The following CNGB3 variants were observed in gnomAD, a reference collection of about 807,000 sequenced individuals.
CNGB3 encodes cyclic nucleotide-gated channel beta-3.
Under a neutral mutation model 92.8 loss-of-function variants are expected in CNGB3, and 86 were observed. The ratio of observed to expected loss-of-function variants is 0.93; its 90% CI spans 0.78 to 1.11. The LOEUF is 1.11. Ranked by LOEUF, CNGB3 falls within the 50% of genes least tolerant of loss-of-function variation. The pLI is 0.00. For missense variants in CNGB3, 1,026 were observed against 956.8 expected (o/e 1.07, Z -0.95); for synonymous variants, 333 against 332.7 (o/e 1.00, Z -0.01).
intron 6 of CNGB3, among the ~76,000 whole-genome samples, chr8:86,656,182 A>G (rs1175388902): frequency 6.6e-6 from 1 of 152,236 alleles, no homozygotes; most frequent in Non-Finnish European, 1.5e-5. Context: ...TACGGCTTCA[A>G]ATAAATAGTG....
intron 1 of CNGB3, 73 bp downstream of exon 1, chr8:86,743,426 G>A (rs1825374970): frequency 6.5e-7 from 1 of 1,545,544 alleles, no homozygotes; most frequent in Non-Finnish European, 8.9e-7. Context: ...ATATATCGTA[G>A]CAGTGATTAA....
At chr8:86,598,040 C>T (rs984482527) in intron 15 of CNGB3, among the ~76,000 whole-genome samples, 25 of 152,120 alleles carry the variant, frequency 1.6e-4, no homozygotes, top group East Asian at 9.7e-4. Flanking sequence ...GAGAGCAAGG[C>T]GAGTCAGGTG....
rs527693877 is a variant in CNGB3, at chr8:86,611,534, G to A, written c.1662+54C>T. The A allele has an allele frequency of 1.7e-4, 245 of 1,415,306 alleles. 1 individual carries two copies. The East Asian group carries it at 3.2e-3, about 19-fold the overall frequency. 87.7% of individuals were successfully genotyped at this position (1,415,306 alleles called of 1,614,324 possible). ...TAAACAATGTTCTTGACTTATGTCC[G>A]AAATCCTCAAATGCATTTATTAGTT... is the stretch of plus-strand genomic sequence containing the variant. On this transcript the variant is annotated intron_variant, in intron 14 of 17. Transcript: ENST00000320005.
chr8:86,623,389 G>T (rs546964159), intron 13 of CNGB3, among the ~76,000 whole-genome samples: 1 of 152,168 alleles, frequency 6.6e-6, no homozygotes, highest in African/African-American at 2.4e-5. Context: ...TGAAGACCGA[G>T]AAGTCCAAGA....
At chr8:86,664,052 C>G (rs189487744) in intron 6 of CNGB3, among the ~76,000 whole-genome samples, 72 of 152,230 alleles carry the variant, frequency 4.7e-4, no homozygotes, top group African/African-American at 1.4e-3. Context: ...TTGTTTACTT[C>G]TTATTTGTAC....
At position 86,667,015 on chromosome 8, in the gene CNGB3, A is replaced by G; in HGVS notation, c.762T>C (p.Leu254=). ...TGATATCACATATGATGTCCGCAAT[A>G]AGCCAGTAGTGTATGTTGTCTGCGG... The part of the protein sequence containing the change: ...YQTADNIHYW[L]IADIICDIIY... The change falls in exon 6 of 18, where the codon CTT becomes CTC. Residue 254 remains leucine (L), a synonymous_variant. Transcript: ENST00000320005. 3 of 1,614,028 alleles carry G rather than the reference A, an allele frequency of 1.9e-6. No individual in the cohort carries two copies. Among genetic ancestry groups the G allele is most frequent in the South Asian group, 1.1e-5 (1 of 91,080 alleles).
intron 13 of CNGB3, among the ~76,000 whole-genome samples, 159 bp from the exon 14 acceptor site, chr8:86,611,830 G>T (rs1822528589): frequency 6.6e-6 from 1 of 151,526 alleles, no homozygotes; most frequent in Non-Finnish European, 1.5e-5. Context: ...TCAAAATTTA[G>T]AAAAAAAATA....
At chr8:86,663,473 T>C (rs941437492) in intron 6 of CNGB3, among the ~76,000 whole-genome samples, 3 of 152,256 alleles carry the variant, frequency 2.0e-5, no homozygotes, top group Non-Finnish European at 2.9e-5. Context: ...GTTTCTATTG[T>C]AGCTGTTAGC....
intron 3 of CNGB3, among the ~76,000 whole-genome samples, chr8:86,686,832 C>T (rs1824197289): frequency 6.6e-6 from 1 of 151,952 alleles, no homozygotes; most frequent in South Asian, 2.1e-4. Context: ...CTTTTATACT[C>T]ATGAACACTA....
At chr8:86,708,793 A>C (rs1002342424) in intron 3 of CNGB3, among the ~76,000 whole-genome samples, 1 of 151,370 alleles carries the variant, frequency 6.6e-6, no homozygotes, top group Non-Finnish European at 1.5e-5. Context: ...CTAGTCTCAA[A>C]CTCCTGGGCT....
At chr8:86,632,921 C>G in intron 10 of CNGB3, 28 bp from the exon 11 acceptor site, 1 of 1,608,844 alleles carries the variant, frequency 6.2e-7, no homozygotes, top group Non-Finnish European at 8.5e-7. Flanking sequence ...ATACATTTTG[C>G]TTTTTTTCTA....
chr8:86,595,622 A>G (rs1198962774), intron 15 of CNGB3, among the ~76,000 whole-genome samples: 1 of 142,524 alleles, frequency 7.0e-6, no homozygotes, highest in Non-Finnish European at 1.5e-5. Flanking sequence ...TTTCTCTTTC[A>G]GTATTAATCG....
chr8:86,706,434 C>T (rs1225408977), intron 3 of CNGB3, among the ~76,000 whole-genome samples: 1 of 152,192 alleles, frequency 6.6e-6, no homozygotes, highest in African/African-American at 2.4e-5. Flanking sequence ...TGAGTAAATG[C>T]ATCGCTCATT....
At chr8:86,646,468 G>T (rs1315828053) in intron 8 of CNGB3, among the ~76,000 whole-genome samples, 1 of 151,202 alleles carries the variant, frequency 6.6e-6, no homozygotes, top group Non-Finnish European at 1.5e-5. Flanking sequence ...CTCATATGCA[G>T]TGTGTCTGGA....
intron 15 of CNGB3, among the ~76,000 whole-genome samples, chr8:86,595,203 T>C (rs1357655355): frequency 6.6e-6 from 1 of 152,250 alleles, no homozygotes; most frequent in Non-Finnish European, 1.5e-5. Flanking sequence ...CCAATGAAGT[T>C]ACTGCTGTTG....
intron 10 of CNGB3, among the ~76,000 whole-genome samples, chr8:86,634,405 C>A (rs978311571): frequency 1.3e-5 from 2 of 152,114 alleles, no homozygotes; most frequent in African/African-American, 4.8e-5. Flanking sequence ...GTATTAACTG[C>A]ATTTTTGGCT....
intron 3 of CNGB3, among the ~76,000 whole-genome samples, chr8:86,726,202 T>A (rs544271846): frequency 6.6e-6 from 1 of 152,328 alleles, no homozygotes; most frequent in East Asian, 1.9e-4. Context: ...TTTCATCATT[T>A]CTTTTTAAAA....
At chr8:86,739,829 A>G in intron 1 of CNGB3, 93 bp from the exon 2 acceptor site, 2 of 1,381,074 alleles carry the variant, frequency 1.4e-6, no homozygotes. Context: ...TTAATTGTCA[A>G]TCAGATCATT....
chr8:86,576,048 T>G lies in CNGB3; in HGVS notation c.2186A>C (p.Glu729Ala). ...ATTTTCTTTTCCTTTATCTTCATTT[T>G]CTTTTTGTTTATCTTCATTTTCTTT... ...KQKENEDKQK[E>A]NEDKGKENED... The change falls in exon 18 of 18, where the codon GAA (glutamate) becomes GCA (alanine). Residue 729 changes from glutamate to alanine, a missense_variant. Coordinates refer to ENST00000320005, the MANE Select transcript of CNGB3 (RefSeq NM_019098.5). 1 of 1,603,592 alleles carries G rather than the reference T, an allele frequency of 6.2e-7. No individual in the cohort carries two copies. Among genetic ancestry groups the G allele is most frequent in the Non-Finnish European group, 8.5e-7 (1 of 1,175,050 alleles).
Sources: gnomAD v4.1 joint callset for allele counts (sites outside exome capture counted in the v4.1 genomes callset) on GRCh38, gnomAD v4.1.1 for gene constraint, MANE v1.5 for transcripts, NCBI Gene and HGNC (gene_info 2026-07-23, HGNC 2026-07-21) for gene names.